Variants in ARHGAP10 observed in about 807,000 individuals in gnomAD.
The protein encoded by ARHGAP10 is rho GTPase-activating protein 10.
In ARHGAP10, 87 loss-of-function variants were observed where a neutral mutation model predicts 108.6. The observed-to-expected ratio is 0.80, with a 90% confidence interval of 0.67 to 0.96. The LOEUF is 0.96. Ranked by LOEUF, ARHGAP10 falls within the 40% of genes least tolerant of loss-of-function variation. The pLI is 0.00. For missense variants in ARHGAP10, 939 were observed against 954.5 expected (o/e 0.98, Z 0.21); for synonymous variants, 347 against 341.1 (o/e 1.02, Z -0.19).
intron 1 of ARHGAP10, among the ~76,000 whole-genome samples, chr4:147,766,625 T>TACAC (rs1317251474): frequency 1.6e-4 from 22 of 141,090 alleles, no homozygotes; most frequent in Non-Finnish European, 3.2e-4. Context: ...TGTATACACA[T>TACAC]ATATATACGT....
intron 3 of ARHGAP10, among the ~76,000 whole-genome samples, chr4:147,830,512 CTTTTTTTTT>C (rs56946602): frequency 3.3e-4 from 34 of 102,274 alleles, no homozygotes; most frequent in Non-Finnish European, 3.7e-4. Context: ...ACCACAATTC[CTTTTTTTTT>C]TTTTTTTTTT....
intron 3 of ARHGAP10, among the ~76,000 whole-genome samples, chr4:147,833,756 TA>T (rs1560781436): frequency 6.6e-6 from 1 of 152,208 alleles, no homozygotes; most frequent in Non-Finnish European, 1.5e-5. Flanking sequence ...TGTGGTAGGA[TA>T]TAAAATAATG....
intron 1 of ARHGAP10, among the ~76,000 whole-genome samples, chr4:147,797,793 C>G (rs1472362752): frequency 6.6e-6 from 1 of 152,132 alleles, no homozygotes; most frequent in Non-Finnish European, 1.5e-5. Context: ...CCCTGCGAAA[C>G]CTTCTCTGCC....
intron 13 of ARHGAP10, among the ~76,000 whole-genome samples, chr4:147,913,761 G>A (rs1006491654): frequency 1.3e-5 from 2 of 152,174 alleles, no homozygotes; most frequent in African/African-American, 4.8e-5. Context: ...AGAATCCTTA[G>A]AAGAATCAGC....
chr4:147,874,704 T>G (rs61012783), intron 7 of ARHGAP10, among the ~76,000 whole-genome samples: 3,397 of 152,244 alleles, frequency 0.022, 87 homozygotes, highest in African/African-American at 0.063. Flanking sequence ...AACCTAAAAT[T>G]TAGTAATAGT....
rs769163698 is a variant in ARHGAP10, at chr4:147,822,918, A to G, written c.273A>G (p.Ser91=). 6.2e-7 allele frequency: 1 copy of G among 1,614,082 alleles called. No homozygotes were observed. The highest frequency in any genetic ancestry group is 8.5e-7 in the Non-Finnish European group (1 of 1,179,922). Residue 91 remains serine, a synonymous_variant, in exon 3 of 23, where the codon TCA becomes TCG. Transcript: ENST00000336498. ...RCIDASLREF[S]NFLKNLEEQR... ...CAGATGCTTCCTTACGTGAATTTTC[A>G]AATTTTTTGAAGAATCTGGAGGAAC...
Position 147,881,867 on chromosome 4 carries a change from A to G in ARHGAP10, c.969A>G (p.Glu323=), listed in dbSNP as rs1291689080. Residue 323 remains glutamate (E), a synonymous_variant, in exon 10 of 23, where the codon GAA becomes GAG. Transcript: ENST00000336498. The stretch of plus-strand genomic sequence containing the variant: ...ACGGAGAGGTGTTCTTTTTGAAAGA[A>G]TGTACCAAGAGGCATACTGACTCCA... ...LGDGEVFFLK[E]CTKRHTDSID... The G allele has an allele frequency of 6.2e-7, 1 of 1,614,012 alleles. No homozygotes were observed. Among genetic ancestry groups the G allele is most frequent in the Non-Finnish European group, 8.5e-7 (1 of 1,179,958 alleles).
intron 18 of ARHGAP10, among the ~76,000 whole-genome samples, chr4:147,986,748 A>G (rs1037231670): frequency 3.3e-5 from 5 of 152,206 alleles, no homozygotes; most frequent in Admixed American, 3.3e-4. Flanking sequence ...GTACATCATG[A>G]TTCAGATCCT....
intron 3 of ARHGAP10, among the ~76,000 whole-genome samples, chr4:147,828,981 C>T (rs1382704457): frequency 4.6e-5 from 7 of 150,964 alleles, no homozygotes; most frequent in Admixed American, 2.0e-4. Flanking sequence ...CAGGTTCAAG[C>T]GATTTTCCTG....
chr4:147,878,126 G>C (rs1463118674), intron 8 of ARHGAP10, among the ~76,000 whole-genome samples: 1 of 142,162 alleles, frequency 7.0e-6, no homozygotes, highest in Non-Finnish European at 1.5e-5. Flanking sequence ...TGGAGACAGA[G>C]CCTCTGTCAC....
chr4:147,887,832 A>G (rs1735632066), intron 10 of ARHGAP10, among the ~76,000 whole-genome samples: 2 of 151,946 alleles, frequency 1.3e-5, no homozygotes, highest in African/African-American at 2.4e-5. Flanking sequence ...ACCGCACTCC[A>G]GCCTGGGCGA....
At chr4:147,936,195 G>T (rs1036198655) in intron 13 of ARHGAP10, among the ~76,000 whole-genome samples, 2 of 152,052 alleles carry the variant, frequency 1.3e-5, no homozygotes, top group South Asian at 4.1e-4. Context: ...AAAGAAGGAA[G>T]GATTGAGGCT....
At position 147,909,797 on chromosome 4, in the gene ARHGAP10, A is replaced by G. The variant is rs765118670; in HGVS notation, c.1162+20A>G. ...AAGGAAGTAAGTGCTCATTTATAAA[A>G]ATGATTGTATCCTCCTTTTCCATCT... is the stretch of plus-strand genomic sequence containing the variant. On this transcript the variant is annotated intron_variant, in intron 12 of 22. Coordinates refer to ENST00000336498, the MANE Select transcript of ARHGAP10 (RefSeq NM_024605.4). 2.5e-6 allele frequency: 4 copies of G among 1,595,992 alleles called. No homozygotes were observed. The South Asian group carries it at 4.4e-5, about 18-fold the overall frequency.
intron 18 of ARHGAP10, among the ~76,000 whole-genome samples, chr4:148,003,925 A>G (rs770497244): frequency 1.3e-5 from 2 of 152,228 alleles, no homozygotes; most frequent in African/African-American, 4.8e-5. Flanking sequence ...AAGAACACCT[A>G]TGTGAAGAAA....
chr4:148,036,316 C>T (rs1040049733), intron 19 of ARHGAP10, among the ~76,000 whole-genome samples: 2 of 152,132 alleles, frequency 1.3e-5, no homozygotes, highest in Non-Finnish European at 2.9e-5. Flanking sequence ...CACTCAGTTC[C>T]TTAGCCATTT....
At chr4:147,825,429 A>G (rs1378236405) in intron 3 of ARHGAP10, among the ~76,000 whole-genome samples, 3 of 151,586 alleles carry the variant, frequency 2.0e-5, no homozygotes. Context: ...CCTGGGCGAC[A>G]GAGCGAGACT....
At chr4:148,006,096 A>G (rs997228834) in intron 18 of ARHGAP10, among the ~76,000 whole-genome samples, 21 of 152,310 alleles carry the variant, frequency 1.4e-4, no homozygotes, top group African/African-American at 5.1e-4. Context: ...TTAAGGCCCT[A>G]ACACTGGCAG....
chr4:147,836,173 A>G (rs1035678448), intron 3 of ARHGAP10, among the ~76,000 whole-genome samples: 2 of 152,224 alleles, frequency 1.3e-5, no homozygotes, highest in African/African-American at 4.8e-5. Context: ...ACACCCTAAC[A>G]TACTTGTTCG....
intron 20 of ARHGAP10, 36 bp from the exon 21 acceptor site, chr4:148,063,112 T>C: frequency 6.2e-7 from 1 of 1,609,934 alleles, no homozygotes. Context: ...GTGGCCTTTC[T>C]GCTATTAATC....
Sources: gnomAD v4.1 joint callset for allele counts (sites outside exome capture counted in the v4.1 genomes callset) on GRCh38, gnomAD v4.1.1 for gene constraint, MANE v1.5 for transcripts, NCBI Gene and HGNC (gene_info 2026-07-23, HGNC 2026-07-21) for gene names.